Variants in KIAA1217 observed in about 807,000 individuals in gnomAD.
KIAA1217 encodes KIAA1217.
KIAA1217 carries 88 observed loss-of-function variants against 163.9 expected under a neutral mutation model. That is an observed-to-expected ratio of 0.54 (90% CI 0.45 to 0.64). The LOEUF (loss-of-function observed/expected upper bound fraction) is 0.64, where lower values mean the gene tolerates loss of function less well. Ranked by LOEUF, KIAA1217 falls within the 30% of genes least tolerant of loss-of-function variation. KIAA1217 has a pLI of 0.00. For synonymous variants in KIAA1217, 903 were observed against 923.1 expected (o/e 0.98, Z 0.39); for missense variants, 2,372 against 2,475.0 (o/e 0.96, Z 0.88).
At chr10:24,064,381 T>A (rs2060854641) in intron 2 of KIAA1217, among the ~76,000 whole-genome samples, 1 of 152,252 alleles carries the variant, frequency 6.6e-6, no homozygotes, top group Non-Finnish European at 1.5e-5. Flanking sequence ...AGGCCTCTTC[T>A]GCATCTGTTG....
At chr10:23,947,894 C>T (rs1050448277) in intron 1 of KIAA1217, among the ~76,000 whole-genome samples, 6 of 152,198 alleles carry the variant, frequency 3.9e-5, no homozygotes, top group East Asian at 1.9e-4. Flanking sequence ...CCATCATCTG[C>T]GAGCCCTGAC....
At chr10:24,312,132 G>A (rs552521922) in intron 2 of KIAA1217, among the ~76,000 whole-genome samples, 11 of 152,270 alleles carry the variant, frequency 7.2e-5, no homozygotes, top group Admixed American at 1.3e-4. Context: ...ACTCACACCC[G>A]AGATGCCTGC....
At chr10:24,419,110 G>C (rs1026403339) in intron 3 of KIAA1217, among the ~76,000 whole-genome samples, 3 of 149,260 alleles carry the variant, frequency 2.0e-5, no homozygotes, top group African/African-American at 7.4e-5. Flanking sequence ...CCAGGAGGCA[G>C]AGGTTGCAGT....
intron 1 of KIAA1217, among the ~76,000 whole-genome samples, chr10:23,892,560 C>T (rs779623298): frequency 2.6e-5 from 4 of 151,902 alleles, no homozygotes; most frequent in Non-Finnish European, 4.4e-5. Context: ...TCATAGAAAT[C>T]AGCCTTTGAA....
At chr10:24,486,891 G>C (rs2065473086) in intron 6 of KIAA1217, among the ~76,000 whole-genome samples, 1 of 152,092 alleles carries the variant, frequency 6.6e-6, no homozygotes, top group Non-Finnish European at 1.5e-5. Flanking sequence ...AGTTTTGTCT[G>C]TTTTGTTCAT....
intron 3 of KIAA1217, among the ~76,000 whole-genome samples, chr10:24,382,554 C>CT (rs2053448175): frequency 6.6e-6 from 1 of 151,998 alleles, no homozygotes; most frequent in Non-Finnish European, 1.5e-5. Flanking sequence ...GGTTAGTAAT[C>CT]TAGGATCCTC....
intron 1 of KIAA1217, among the ~76,000 whole-genome samples, chr10:23,964,297 T>G (rs1383993589): frequency 2.0e-5 from 3 of 148,756 alleles, no homozygotes; most frequent in East Asian, 1.9e-4. Flanking sequence ...TGGGGTTGTT[T>G]TTTTTTTTTT....
chr10:23,982,033 A>G lies in KIAA1217; in HGVS notation c.-320-25192A>G, dbSNP rs936671722. Among the ~76,000 whole-genome samples the G allele has an allele frequency of 7.2e-5, 11 of 151,846 alleles. 1 individual carries two copies. The highest frequency in any genetic ancestry group is 7.2e-4 in the Admixed American group (11 of 15,220). ...GGAACCTCCCAAAAGCTGAGAATGG[A>G]ACTGGCTGCTGTAGTAGTGGTGAGC... On this transcript the variant is annotated intron_variant, in intron 1 of 18. Transcript: ENST00000376462.
At chr10:24,203,555 C>T (rs1447271166) in intron 2 of KIAA1217, among the ~76,000 whole-genome samples, 1 of 148,964 alleles carries the variant, frequency 6.7e-6, no homozygotes, top group African/African-American at 2.5e-5. Context: ...GCTCCCCCTA[C>T]CCCCCAACCC....
rs143301983 is a variant in KIAA1217, at chr10:23,728,673, C to T, written c.-321+33439C>T. Among the ~76,000 whole-genome samples, 1,178 of 152,242 alleles carry T rather than the reference C, an allele frequency of 7.7e-3. 18 individuals carry two copies. The highest frequency in any genetic ancestry group is 0.026 in the African/African-American group (1,067 of 41,530). On this transcript the variant is annotated intron_variant, in intron 1 of 18. Transcript: ENST00000376462. Reference sequence around the variant, plus strand: ...GAAGCTTTTTAGTTTAATTAGATCCCATTTCTCAATACATTCAGGACATAG... The same window carrying T: ...GAAGCTTTTTAGTTTAATTAGATCCTATTTCTCAATACATTCAGGACATAG...
intron 2 of KIAA1217, among the ~76,000 whole-genome samples, chr10:24,377,980 C>T (rs947570754): frequency 2.0e-4 from 30 of 152,158 alleles, no homozygotes; most frequent in Admixed American, 2.0e-3. Flanking sequence ...GTGGGAAGCC[C>T]AGGAGACCCC....
chr10:24,175,911 C>T (rs1241257719), intron 2 of KIAA1217, among the ~76,000 whole-genome samples: 1 of 152,134 alleles, frequency 6.6e-6, no homozygotes, highest in Non-Finnish European at 1.5e-5. Context: ...TGTTACAGCT[C>T]ATAAAGGCAG....
chr10:23,766,316 G>A (rs889598246), intron 1 of KIAA1217, among the ~76,000 whole-genome samples: 1 of 152,156 alleles, frequency 6.6e-6, no homozygotes, highest in Non-Finnish European at 1.5e-5. Context: ...TTATGGCAAT[G>A]GTCTCAATGT....
At chr10:23,809,089 T>A (rs1008646364) in intron 1 of KIAA1217, among the ~76,000 whole-genome samples, 2 of 152,066 alleles carry the variant, frequency 1.3e-5, no homozygotes, top group Admixed American at 1.3e-4. Flanking sequence ...ATGACAAACT[T>A]TGACTTAAAA....
chr10:24,054,442 G>A (rs76021632), intron 2 of KIAA1217, among the ~76,000 whole-genome samples: 3,527 of 152,282 alleles, frequency 0.023, 127 homozygotes, highest in African/African-American at 0.081. Context: ...AGAGAAAGTA[G>A]CCCAGGACCC....
chr10:24,469,001 C>A (rs934181299), intron 5 of KIAA1217, among the ~76,000 whole-genome samples: 5 of 152,100 alleles, frequency 3.3e-5, no homozygotes, highest in African/African-American at 1.2e-4. Context: ...AATACCTTTG[C>A]TGTTTTCAAA....
intron 1 of KIAA1217, among the ~76,000 whole-genome samples, chr10:23,821,267 C>A (rs1222695862): frequency 6.6e-6 from 1 of 152,116 alleles, no homozygotes; most frequent in Non-Finnish European, 1.5e-5. Context: ...CAGTTCCAGT[C>A]AACTTCTTTT....
At chr10:24,253,397 C>T (rs888221052) in intron 2 of KIAA1217, among the ~76,000 whole-genome samples, 1 of 152,148 alleles carries the variant, frequency 6.6e-6, no homozygotes, top group African/African-American at 2.4e-5. Flanking sequence ...ACCACGGTGA[C>T]CCCCAATGCA....
intron 2 of KIAA1217, chr10:24,158,627 C>T: frequency 2.0e-6 from 1 of 509,340 alleles, no homozygotes; most frequent in Non-Finnish European, 4.0e-6. Context: ...TTTACACCAC[C>T]AATCAAAACT....
Sources: gnomAD v4.1 joint callset for allele counts (sites outside exome capture counted in the v4.1 genomes callset) on GRCh38, gnomAD v4.1.1 for gene constraint, MANE v1.5 for transcripts, NCBI Gene and HGNC (gene_info 2026-07-23, HGNC 2026-07-21) for gene names.